ITFG1: variants seen among roughly 807,000 people sequenced by gnomAD.
ITFG1 encodes the protein T-cell immunomodulatory protein.
ITFG1 carries 34 observed loss-of-function variants against 81.8 expected under a neutral mutation model. The observed-to-expected ratio is 0.42, with a 90% CI of 0.32 to 0.55. The LOEUF (loss-of-function observed/expected upper bound fraction) is 0.55. ITFG1 is among the 20% of genes least tolerant of loss of function. The pLI, the probability that ITFG1 is intolerant of heterozygous loss-of-function variation, is 0.17. For synonymous variants in ITFG1, 285 were observed against 270.6 expected (o/e 1.05, Z -0.52); for missense variants, 672 against 755.4 (o/e 0.89, Z 1.29).
chr16:47,269,600 A>G (rs1052420525), intron 10 of ITFG1, among the ~76,000 whole-genome samples: 1 of 152,092 alleles, frequency 6.6e-6, no homozygotes. Flanking sequence ...TACATTGAAA[A>G]CTAGAAACAC....
At chr16:47,444,547 A>T (rs1567502911) in intron 5 of ITFG1, among the ~76,000 whole-genome samples, 1 of 152,172 alleles carries the variant, frequency 6.6e-6, no homozygotes, top group East Asian at 1.9e-4. Flanking sequence ...CCAACATGTA[A>T]ATTTATATAT....
intron 8 of ITFG1, among the ~76,000 whole-genome samples, chr16:47,340,812 A>G (rs566804266): frequency 6.6e-6 from 1 of 152,344 alleles, no homozygotes; most frequent in Admixed American, 6.5e-5. Context: ...GTTGAAAGTG[A>G]AAGAATGGGC....
intron 8 of ITFG1, among the ~76,000 whole-genome samples, chr16:47,334,344 C>T (rs1235624109): frequency 6.6e-6 from 1 of 152,080 alleles, no homozygotes; most frequent in East Asian, 1.9e-4. Context: ...GAGAGGATTG[C>T]TTGACCTGGG....
At chr16:47,306,489 C>T (rs1293471410) in intron 10 of ITFG1, among the ~76,000 whole-genome samples, 1 of 151,998 alleles carries the variant, frequency 6.6e-6, no homozygotes, top group Non-Finnish European at 1.5e-5. Flanking sequence ...CTAAATAATT[C>T]TGTGTATATG....
At chr16:47,226,493 G>T (rs1456684681) in intron 13 of ITFG1, among the ~76,000 whole-genome samples, 1 of 151,842 alleles carries the variant, frequency 6.6e-6, no homozygotes, top group Non-Finnish European at 1.5e-5. Flanking sequence ...TTTAGCATTA[G>T]TTATATCACC....
chr16:47,433,472 G>A (rs993660583), intron 5 of ITFG1, among the ~76,000 whole-genome samples: 1 of 152,028 alleles, frequency 6.6e-6, no homozygotes, highest in African/African-American at 2.4e-5. Context: ...ACTCACTCTG[G>A]TTTCCTTCCT....
At chr16:47,170,932 G>A (rs962966746) in intron 14 of ITFG1, among the ~76,000 whole-genome samples, 1 of 147,360 alleles carries the variant, frequency 6.8e-6, no homozygotes, top group East Asian at 2.0e-4. Context: ...GTGGTGCTTC[G>A]TCATGTTGGC....
rs1359038939 is a variant in ITFG1, at chr16:47,222,539, G to A, written c.1375-3593C>T. Among the ~76,000 whole-genome samples the A allele has an allele frequency of 4.6e-5, 7 of 150,900 alleles. No individual in the cohort carries two copies. The East Asian group carries it at 1.4e-3, about 30-fold the overall frequency. ...CGCCATTCTCCTGCCTCAGCCTCCC[G>A]AGTAGCTGGGACTACAGGCACCCGC... is the stretch of plus-strand genomic sequence containing the variant. On this transcript the variant is annotated intron_variant, in intron 13 of 17. Transcript: ENST00000320640.
At chr16:47,364,464 T>C (rs975184378) in intron 8 of ITFG1, among the ~76,000 whole-genome samples, 6 of 152,008 alleles carry the variant, frequency 3.9e-5, no homozygotes, top group African/African-American at 1.5e-4. Context: ...CTTAAGGGGG[T>C]CAGAGAGATC....
intron 7 of ITFG1, among the ~76,000 whole-genome samples, chr16:47,373,198 AT>A (rs1968280341): frequency 6.6e-6 from 1 of 152,134 alleles, no homozygotes; most frequent in Admixed American, 6.5e-5. Context: ...CTCCTGTGCA[AT>A]TCCTTGCCTG....
chr16:47,327,576 T>G (rs1967569386), intron 8 of ITFG1, among the ~76,000 whole-genome samples: 1 of 152,106 alleles, frequency 6.6e-6, no homozygotes, highest in Admixed American at 6.5e-5. Context: ...AACCTACTCA[T>G]CTGACAAAGG....
chr16:47,417,119 T>C (rs549594475), intron 6 of ITFG1, among the ~76,000 whole-genome samples: 2 of 152,354 alleles, frequency 1.3e-5, no homozygotes, highest in South Asian at 4.1e-4. Context: ...TTGTATCTCA[T>C]ACAATGAATA....
intron 14 of ITFG1, among the ~76,000 whole-genome samples, chr16:47,175,783 T>C (rs981777170): frequency 6.6e-6 from 1 of 152,228 alleles, no homozygotes; most frequent in Non-Finnish European, 1.5e-5. Context: ...AGTCTTGCTA[T>C]GTGGCTCAGG....
chr16:47,272,012 A>G (rs986638033), intron 10 of ITFG1, among the ~76,000 whole-genome samples: 4 of 152,236 alleles, frequency 2.6e-5, no homozygotes, highest in South Asian at 4.1e-4. Context: ...CAAAAAACCC[A>G]TATGTCCATC....
At chr16:47,242,344 A>C (rs960025955) in intron 12 of ITFG1, among the ~76,000 whole-genome samples, 2 of 151,958 alleles carry the variant, frequency 1.3e-5, no homozygotes, top group Admixed American at 1.3e-4. Context: ...AAAAAAAAAA[A>C]CACTGAGAAA....
intron 12 of ITFG1, among the ~76,000 whole-genome samples, chr16:47,252,003 A>G (rs1966082243): frequency 6.6e-6 from 1 of 152,226 alleles, no homozygotes; most frequent in African/African-American, 2.4e-5. Context: ...AAAATTCTGT[A>G]ATAGCGAACT....
intron 8 of ITFG1, among the ~76,000 whole-genome samples, chr16:47,351,641 G>C (rs1967957146): frequency 6.6e-6 from 1 of 152,148 alleles, no homozygotes; most frequent in East Asian, 1.9e-4. Flanking sequence ...TCTGCCCCGG[G>C]CAATTTATAG....
intron 14 of ITFG1, among the ~76,000 whole-genome samples, chr16:47,180,554 C>T (rs370345491): frequency 2.0e-5 from 3 of 152,206 alleles, no homozygotes; most frequent in East Asian, 3.9e-4. Context: ...GACTGTTTTT[C>T]GTATTTTTTT....
chr16:47,201,138 A>G (rs1439973274), intron 14 of ITFG1, among the ~76,000 whole-genome samples: 3 of 152,192 alleles, frequency 2.0e-5, no homozygotes, highest in African/African-American at 7.2e-5. Flanking sequence ...TTTCAGAATA[A>G]TTATACCATC....
Sources: allele counts gnomAD v4.1 joint callset (sites outside exome capture counted in the v4.1 genomes callset), GRCh38; gene constraint gnomAD v4.1.1; transcripts MANE v1.5; gene names NCBI Gene and HGNC (gene_info 2026-07-23, HGNC 2026-07-21).